The following ZC3H14 variants were observed in gnomAD, a reference collection of about 807,000 sequenced individuals.
ZC3H14 encodes the protein zinc finger CCCH domain-containing protein 14.
ZC3H14 carries 31 observed loss-of-function variants against 92.4 expected under a neutral mutation model. That is an observed-to-expected ratio of 0.34 (90% CI 0.25 to 0.45). The LOEUF is 0.45. Among genes scored for constraint, ZC3H14 ranks in the 20% least tolerant of loss-of-function variants. The pLI is 1.00. For missense variants in ZC3H14, 781 were observed against 897.3 expected, an observed-to-expected ratio of 0.87 and a Z score of 1.66; for synonymous variants, 321 against 300.9, an observed-to-expected ratio of 1.07 and a Z score of -0.69.
At chr14:88,592,785 G>A (rs566527180) in intron 9 of ZC3H14, among the ~76,000 whole-genome samples, 10 of 152,148 alleles carry the variant, frequency 6.6e-5, no homozygotes, top group African/African-American at 2.2e-4. Context: ...ACAGGTGTGG[G>A]CCTCTGTGCC....
chr14:88,595,491 CT>C (rs1214323344), intron 9 of ZC3H14, among the ~76,000 whole-genome samples: 1 of 152,186 alleles, frequency 6.6e-6, no homozygotes, highest in Non-Finnish European at 1.5e-5. Context: ...AAAGAGCATT[CT>C]TCCTGTAACT....
intron 7 of ZC3H14, 148 bp downstream of exon 7, chr14:88,575,001 A>T: frequency 8.1e-7 from 1 of 1,233,300 alleles, no homozygotes; most frequent in Non-Finnish European, 1.1e-6. Context: ...CAGTGCCACG[A>T]TCTCGGCTCA....
Position 88,602,737 on chromosome 14 carries a change from G to A in ZC3H14, c.1515-91G>A, listed in dbSNP as rs779313326. 398 of 1,342,278 alleles carry A rather than the reference G, an allele frequency of 3.0e-4. 1 individual carries two copies. Among genetic ancestry groups the A allele is most frequent in the Non-Finnish European group, 3.8e-4 (362 of 953,582 alleles). The allele number at this position is 1,342,278 out of a possible 1,614,324, so 83.1% of individuals were successfully genotyped here. ...TTATTGAACCAAACGCAAAGCCAAGGGAGTGATAGTTCTGCTGAAGAGCAC... is the reference window on the plus strand; with the variant it reads ...TTATTGAACCAAACGCAAAGCCAAGAGAGTGATAGTTCTGCTGAAGAGCAC... On this transcript the variant is annotated intron_variant, in intron 11 of 16. Coordinates refer to ENST00000251038, the MANE Select transcript of ZC3H14 (RefSeq NM_024824.5).
At chr14:88,577,279 G>C (rs1437527491) in intron 8 of ZC3H14, among the ~76,000 whole-genome samples, 1 of 152,168 alleles carries the variant, frequency 6.6e-6, no homozygotes, top group African/African-American at 2.4e-5. Flanking sequence ...TAATTGTCTA[G>C]AATGATGAGA....
chr14:88,599,047 C>G (rs2084241455), intron 10 of ZC3H14, among the ~76,000 whole-genome samples: 1 of 152,234 alleles, frequency 6.6e-6, no homozygotes, highest in Non-Finnish European at 1.5e-5. Context: ...GAGCTCGCAC[C>G]ACTGCACTCC....
rs1277709089 is a variant in ZC3H14 at position 88,610,819 on chromosome 14, G to A, written c.2098-15G>A. On this transcript the variant is annotated splice_polypyrimidine_tract_variant and intron_variant, in intron 15 of 16. Transcript: ENST00000251038. The stretch of plus-strand genomic sequence containing the variant: ...GCCTTGTGGATATTGTTGAAGCTCT[G>A]TTATCTCTATTCAGCATTGTAGGTT... 5.0e-6 allele frequency: 8 copies of A among 1,607,854 alleles called. No homozygotes were observed. Among genetic ancestry groups the A allele is most frequent in the Non-Finnish European group, 4.3e-6 (5 of 1,174,512 alleles).
chr14:88,594,390 G>A, intron 9 of ZC3H14: 1 of 1,077,360 alleles, frequency 9.3e-7, no homozygotes, highest in South Asian at 3.2e-5. Flanking sequence ...TATTTTGTAT[G>A]TAATAATAGG....
chr14:88,615,613 T>C lies in ZC3H14; in HGVS notation c.*3862T>C. The C allele has an allele frequency of 2.0e-6, 1 of 511,846 alleles. No individual in the cohort carries two copies. Among genetic ancestry groups the C allele is most frequent in the Non-Finnish European group, 3.4e-6 (1 of 292,542 alleles). The allele number at this position is 511,846 out of a possible 1,614,324, so 31.7% of individuals were successfully genotyped here. A position where few individuals can be genotyped will look rare whatever the true frequency, so the allele number is the denominator to read the frequency against. On this transcript the variant is annotated 3_prime_UTR_variant, in exon 17 of 17. Coordinates refer to ENST00000251038, the MANE Select transcript of ZC3H14 (RefSeq NM_024824.5). ...GATCCTTCCTTGAAATGGCATTATCTGGCAGTGTATGGATTACGGATTATA... is the reference window on the plus strand; with the variant it reads ...GATCCTTCCTTGAAATGGCATTATCCGGCAGTGTATGGATTACGGATTATA...
intron 9 of ZC3H14, among the ~76,000 whole-genome samples, chr14:88,582,743 TGAG>T (rs1183017915): frequency 1.3e-5 from 2 of 152,212 alleles, no homozygotes; most frequent in Non-Finnish European, 2.9e-5. Context: ...CCTTTGCTGA[TGAG>T]GAGTTTGGTA....
Position 88,563,044 on chromosome 14 carries a change from G to A in ZC3H14, c.-90G>A. 2.6e-6 allele frequency: 4 copies of A among 1,517,216 alleles called. No individual in the cohort carries two copies. Among genetic ancestry groups the A allele is most frequent in the African/African-American group, 1.4e-5 (1 of 71,968 alleles). The allele number at this position is 1,517,216 out of a possible 1,614,324, so 94.0% of individuals were successfully genotyped here. A position where few individuals can be genotyped will look rare whatever the true frequency, so the allele number is the denominator to read the frequency against. On this transcript the variant is annotated 5_prime_UTR_variant, in exon 1 of 17. The change creates a new upstream start codon in the 5' untranslated region. Transcript: ENST00000251038. ...CGGGGGCGGAACGGAGGAGGAGGCG[G>A]TGGTGTCCCGGCTGCGGGGTAGGAG... is the stretch of plus-strand genomic sequence containing the variant.
At chr14:88,581,102 T>G (rs1161900760) in intron 9 of ZC3H14, among the ~76,000 whole-genome samples, 2 of 152,210 alleles carry the variant, frequency 1.3e-5, no homozygotes, top group Admixed American at 1.3e-4. Context: ...AAGCCTGTTG[T>G]CCTGAATTTA....
chr14:88,621,529 G>C lies in ZC3H14; in HGVS notation c.*9778G>C. 1 of 555,430 alleles carries C rather than the reference G, an allele frequency of 1.8e-6. No individual in the cohort carries two copies. The highest frequency in any genetic ancestry group is 2.5e-5 in the South Asian group (1 of 40,496). 34.4% of individuals were successfully genotyped at this position (555,430 alleles called of 1,614,324 possible). On this transcript the variant is annotated 3_prime_UTR_variant, in exon 17 of 17. Coordinates refer to ENST00000251038, the MANE Select transcript of ZC3H14 (RefSeq NM_024824.5). The stretch of plus-strand genomic sequence containing the variant: ...ATATTAGAGTCCATGCTACAGAATA[G>C]AACTTTTCTGTGGCAGTACACCTGG...
Position 88,616,712 on chromosome 14 carries a change from A to C in ZC3H14, c.*4961A>C. On this transcript the variant is annotated 3_prime_UTR_variant, in exon 17 of 17. Coordinates refer to ENST00000251038, the MANE Select transcript of ZC3H14 (RefSeq NM_024824.5). Reference sequence around the variant, plus strand: ...AGGAGTAAACTGATAATAGTAAACAAAACACAAACTTACAAATTTTTCTGG... The same window carrying C: ...AGGAGTAAACTGATAATAGTAAACACAACACAAACTTACAAATTTTTCTGG... The C allele has an allele frequency of 6.2e-7, 1 of 1,608,428 alleles. No homozygotes were observed. The highest frequency in any genetic ancestry group is 2.2e-5 in the East Asian group (1 of 44,790).
intron 12 of ZC3H14, among the ~76,000 whole-genome samples, chr14:88,604,191 A>G (rs2085016874): frequency 6.6e-6 from 1 of 152,214 alleles, no homozygotes; most frequent in Non-Finnish European, 1.5e-5. Flanking sequence ...GTAGGTGTCC[A>G]TATGAGGCTT....
At chr14:88,592,490 C>CTTTTTTTTTTTTTTTTTTT (rs1566945839) in intron 9 of ZC3H14, 1 of 115,984 alleles carries the variant, frequency 8.6e-6, no homozygotes. Context: ...TATAAGGATT[C>CTTTTTTTTTTTTTTTTTTT]CTTTTTTTTT....
chr14:88,565,992 C>T (rs61984709), intron 2 of ZC3H14, among the ~76,000 whole-genome samples: 25,477 of 114,668 alleles, frequency 0.22, 2,858 homozygotes, highest in East Asian at 0.32. Flanking sequence ...CTCAGCTTCC[C>T]GAGTAGCTGG....
chr14:88,567,118 T>TTATG (rs1391676476), intron 2 of ZC3H14, among the ~76,000 whole-genome samples: 10 of 20,412 alleles, frequency 4.9e-4, no homozygotes, highest in Non-Finnish European at 1.8e-3. Context: ...TTTATTTTAT[T>TTATG]TATTTATTTT....
At chr14:88,571,177 G>C (rs1450991027) in intron 4 of ZC3H14, 53 bp downstream of exon 4, 8 of 1,472,536 alleles carry the variant, frequency 5.4e-6, no homozygotes, top group Non-Finnish European at 5.5e-6. Context: ...CATATGATTT[G>C]TTTCTTTCTA....
Position 88,625,166 on chromosome 14 carries a change from A to C in ZC3H14, c.*13415A>C. 6.2e-7 allele frequency: 1 copy of C among 1,606,988 alleles called. No individual in the cohort carries two copies. The highest frequency in any genetic ancestry group is 1.1e-5 in the South Asian group (1 of 89,812). On this transcript the variant is annotated 3_prime_UTR_variant, in exon 17 of 17. Coordinates refer to ENST00000251038, the MANE Select transcript of ZC3H14 (RefSeq NM_024824.5). The stretch of plus-strand genomic sequence containing the variant: ...GGGGAGGGGGAGACAAACTCATCAA[A>C]AGTTCAAATAGAGTTTAAATAGATA...
Sources: allele counts gnomAD v4.1 joint callset (sites outside exome capture counted in the v4.1 genomes callset), GRCh38; gene constraint gnomAD v4.1.1; transcripts MANE v1.5; gene names NCBI Gene and HGNC (gene_info 2026-07-23, HGNC 2026-07-21).